Variants in LARGE1 observed in about 807,000 individuals in gnomAD.
LARGE1 encodes the protein xylosyl- and glucuronyltransferase LARGE1.
LARGE1 carries 43 observed loss-of-function variants against 87.6 expected under a neutral mutation model. The observed-to-expected ratio is 0.49, with a 90% CI of 0.38 to 0.63. The LOEUF is 0.63. Ranked by LOEUF, LARGE1 falls within the 30% of genes least tolerant of loss-of-function variation. The pLI is 0.00. For missense variants in LARGE1, 802 were observed against 1,000.2 expected, an observed-to-expected ratio of 0.80 and a Z score of 2.67; for synonymous variants, 434 against 394.6, an observed-to-expected ratio of 1.10 and a Z score of -1.18.
chr22:33,325,204 C>A (rs922144788), intron 10 of LARGE1, among the ~76,000 whole-genome samples: 1 of 152,236 alleles, frequency 6.6e-6, no homozygotes, highest in Non-Finnish European at 1.5e-5. Context: ...GAGGACTCAA[C>A]ACATGTATTT....
At chr22:33,124,031 A>G in the LARGE1 span, among the ~76,000 whole-genome samples, 48 of 152,236 alleles carry the variant, frequency 3.2e-4, no homozygotes, top group Middle Eastern at 3.4e-3. Flanking sequence ...CACGTCTGTA[A>G]CCCCAACACT....
intron 1 of LARGE1, among the ~76,000 whole-genome samples, chr22:33,824,143 G>A (rs2062714838): frequency 6.6e-6 from 1 of 152,088 alleles, no homozygotes; most frequent in South Asian, 2.1e-4. Flanking sequence ...ACATTTTATT[G>A]ACCAACATTT....
intron 11 of LARGE1, among the ~76,000 whole-genome samples, chr22:33,254,777 C>T (rs1184625811): frequency 6.6e-6 from 1 of 152,102 alleles, no homozygotes; most frequent in Non-Finnish European, 1.5e-5. Context: ...TTGATAGTAT[C>T]ATTCTTCTTC....
At chr22:33,552,668 T>G (rs894345473) in intron 6 of LARGE1, among the ~76,000 whole-genome samples, 2 of 152,208 alleles carry the variant, frequency 1.3e-5, no homozygotes, top group African/African-American at 2.4e-5. Flanking sequence ...ATATTGCTAA[T>G]AAAAATAATC....
the LARGE1 span, among the ~76,000 whole-genome samples, chr22:33,137,933 A>G: frequency 6.6e-6 from 1 of 152,226 alleles, no homozygotes; most frequent in African/African-American, 2.4e-5. Context: ...GGGTAGTACA[A>G]AAGGGAAATG....
intron 1 of LARGE1, among the ~76,000 whole-genome samples, chr22:33,795,543 A>G (rs1361628388): frequency 6.6e-6 from 1 of 152,220 alleles, no homozygotes; most frequent in African/African-American, 2.4e-5. Flanking sequence ...TCATGCTGCT[A>G]TAAAGACACA....
chr22:33,715,405 C>G (rs12330110), intron 2 of LARGE1, among the ~76,000 whole-genome samples: 1 of 152,174 alleles, frequency 6.6e-6, no homozygotes, highest in Non-Finnish European at 1.5e-5. Context: ...TAAGGGCAGG[C>G]TGGTAACTGG....
chr22:33,586,993 A>G (rs2078696963), intron 5 of LARGE1, among the ~76,000 whole-genome samples: 1 of 152,256 alleles, frequency 6.6e-6, no homozygotes, highest in South Asian at 2.1e-4. Context: ...ATAACTACAC[A>G]GACATCTTTA....
At chr22:33,482,262 G>T (rs2148210884) in intron 6 of LARGE1, among the ~76,000 whole-genome samples, 1 of 152,278 alleles carries the variant, frequency 6.6e-6, no homozygotes, top group Non-Finnish European at 1.5e-5. Context: ...CAATGGGTCG[G>T]TGATGGCTAT....
chr22:33,456,973 C>T (rs550376977), intron 6 of LARGE1, among the ~76,000 whole-genome samples: 29 of 152,124 alleles, frequency 1.9e-4, no homozygotes, highest in African/African-American at 6.0e-4. Context: ...GTGGAAACTT[C>T]GCAGAGAAGG....
chr22:33,416,754 C>T (rs2066504289), intron 7 of LARGE1, among the ~76,000 whole-genome samples: 1 of 151,856 alleles, frequency 6.6e-6, no homozygotes, highest in South Asian at 2.1e-4. Flanking sequence ...CAGGCACCCG[C>T]CACCAGCCCG....
At chr22:33,298,550 T>A (rs189215265) in intron 12 of LARGE1, among the ~76,000 whole-genome samples, 45 of 152,320 alleles carry the variant, frequency 3.0e-4, no homozygotes, top group Admixed American at 2.5e-3. Flanking sequence ...CAGTCAGCCA[T>A]GGTGGCTCAC....
chr22:33,766,913 CATATAT>C lies in LARGE1; in HGVS notation c.-82-5361_-82-5356del, dbSNP rs34406131. 5.2e-3 allele frequency among the ~76,000 whole-genome samples: 580 copies of C among 111,020 alleles called. 2 individuals carry two copies. The highest frequency in any genetic ancestry group is 6.6e-3 in the African/African-American group (184 of 28,042). The allele number at this position is 111,020 out of a possible 152,430, so 72.8% of individuals were successfully genotyped here. A position where few individuals can be genotyped will look rare whatever the true frequency, so the allele number is the denominator to read the frequency against. On this transcript the variant is annotated intron_variant, in intron 1 of 14. Transcript: ENST00000397394. The stretch of plus-strand genomic sequence containing the variant: ...AGAATATGACTAATTTAAACATATA[CATATAT>C]ATATATATATATATATATATATATA...
At chr22:33,270,423 G>GA (rs1355636326), downstream of LARGE1, among the ~76,000 whole-genome samples, 1 of 152,210 alleles carries the variant, frequency 6.6e-6, no homozygotes, top group African/African-American at 2.4e-5. Flanking sequence ...CATTTTAGTG[G>GA]AAAGACAGGG....
intron 6 of LARGE1, among the ~76,000 whole-genome samples, chr22:33,531,220 C>T (rs1161183125): frequency 2.8e-4 from 42 of 152,280 alleles, no homozygotes; most frequent in Admixed American, 1.1e-3. Context: ...TGCAATGGCG[C>T]GATCTCGGCT....
rs192097718 is a variant in LARGE1 at position 33,675,910 on chromosome 22, G to A, written c.107-25242C>T. ...TAATTGGCCCAAGGTCATTCAGCTGGTAAGTGAAAGGGCCTCAGGTGTGAA... is the reference window on the plus strand; with the variant it reads ...TAATTGGCCCAAGGTCATTCAGCTGATAAGTGAAAGGGCCTCAGGTGTGAA... On this transcript the variant is annotated intron_variant, in intron 2 of 14. Coordinates refer to ENST00000397394, the MANE Select transcript of LARGE1 (RefSeq NM_133642.5). Among the ~76,000 whole-genome samples, 9 of 145,446 alleles carry A rather than the reference G, an allele frequency of 6.2e-5. No homozygotes were observed. In the East Asian group the frequency reaches 1.7e-3, roughly 28 times the overall value.
intron 11 of LARGE1, among the ~76,000 whole-genome samples, chr22:33,257,926 C>A (rs746447455): frequency 6.6e-6 from 1 of 151,862 alleles, no homozygotes; most frequent in Admixed American, 6.6e-5. Context: ...ACTGCACAAA[C>A]AAATGTGAAA....
intron 2 of LARGE1, among the ~76,000 whole-genome samples, chr22:33,693,450 G>A (rs1003330758): frequency 1.3e-5 from 2 of 152,026 alleles, no homozygotes; most frequent in African/African-American, 4.8e-5. Flanking sequence ...GGAAGGAAGG[G>A]AGATGTTAGG....
chr22:33,402,827 T>A (rs1173188688), intron 7 of LARGE1, among the ~76,000 whole-genome samples: 1 of 152,166 alleles, frequency 6.6e-6, no homozygotes, highest in Non-Finnish European at 1.5e-5. Context: ...ATAATGATGA[T>A]ACTGAGAGCT....
Sources: gnomAD v4.1 joint callset for allele counts (sites outside exome capture counted in the v4.1 genomes callset) on GRCh38, gnomAD v4.1.1 for gene constraint, MANE v1.5 for transcripts, NCBI Gene and HGNC (gene_info 2026-07-23, HGNC 2026-07-21) for gene names.